The following ASAH1 variants were observed in gnomAD, a reference collection of about 807,000 sequenced individuals.
ASAH1 encodes the protein N-acylsphingosine amidohydrolase 1, also known as acid ceramidase.
In ASAH1, 70 loss-of-function variants were observed where a neutral mutation model predicts 59.5. The observed-to-expected ratio is 1.18, with a 90% CI of 0.97 to 1.43. The LOEUF is 1.43. ASAH1 is among the 40% of genes most tolerant of loss of function. The probability of loss-of-function intolerance (pLI) is 0.00; values close to 1 mark genes in which losing one functional copy is unlikely to be tolerated. For missense variants in ASAH1, 660 were observed against 482.5 expected (o/e 1.37, Z -3.45); for synonymous variants, 213 against 166.5 (o/e 1.28, Z -2.15).
Position 18,057,521 on chromosome 8 carries a change from G to T in ASAH1, c.*13C>A. ...ATGTCTCAGAGGCCGCATTCTGTAG[G>T]CCAGACGTGTGCTCACCAACCTATA... is the stretch of plus-strand genomic sequence containing the variant. On this transcript the variant is annotated 3_prime_UTR_variant, in exon 14 of 14. Coordinates refer to ENST00000637790, the MANE Select transcript of ASAH1 (RefSeq NM_177924.5). 6.3e-7 allele frequency: 1 copy of T among 1,584,284 alleles called. No individual in the cohort carries two copies. Among genetic ancestry groups the T allele is most frequent in the Non-Finnish European group, 8.6e-7 (1 of 1,158,302 alleles).
Position 18,084,017 on chromosome 8 carries a change from G to T in ASAH1, c.42C>A (p.Ala14=). 4 of 1,598,502 alleles carry T rather than the reference G, an allele frequency of 2.5e-6. No individual in the cohort carries two copies. Among genetic ancestry groups the T allele is most frequent in the Non-Finnish European group, 3.4e-6 (4 of 1,179,622 alleles). Residue 14 remains alanine (A), a synonymous_variant, in exon 1 of 14, where the codon GCC becomes GCA. Transcript: ENST00000637790. The part of the protein sequence containing the change: ...RSCVALVLLA[A]AVSCAVAQHA... ...GCTGCGCGACGGCACAGCTGACGGC[G>T]GCAGCCAGGAGGACTAAGGCGACGC...
chr8:18,060,295 A>G (rs1022014240), intron 10 of ASAH1: 2 of 154,230 alleles, frequency 1.3e-5, no homozygotes, highest in Non-Finnish European at 1.4e-5. Context: ...GCCAGCCACA[A>G]TGTGTTTTCT....
At chr8:18,082,938 C>T (rs1487903640) in intron 1 of ASAH1, among the ~76,000 whole-genome samples, 1 of 152,176 alleles carries the variant, frequency 6.6e-6, no homozygotes, top group Non-Finnish European at 1.5e-5. Context: ...TGTCCACATA[C>T]ATGTTCTGTG....
At chr8:18,069,701 C>T in intron 4 of ASAH1, 91 bp downstream of exon 4, 1 of 924,544 alleles carries the variant, frequency 1.1e-6, no homozygotes, top group Non-Finnish European at 1.7e-6. Flanking sequence ...GCCCAAGTCC[C>T]TGCGAAGAGG....
intron 7 of ASAH1, 108 bp downstream of exon 7, chr8:18,063,077 C>G: frequency 9.9e-7 from 1 of 1,005,520 alleles, no homozygotes; most frequent in Non-Finnish European, 1.6e-6. Flanking sequence ...ACCATCTTGG[C>G]CAGGCTGGTC....
chr8:18,062,502 A>C, intron 7 of ASAH1, 79 bp from the exon 8 acceptor site: 1 of 1,485,284 alleles, frequency 6.7e-7, no homozygotes, highest in South Asian at 1.1e-5. Context: ...GCCAGGCATT[A>C]CACTAGGAGC....
intron 2 of ASAH1, among the ~76,000 whole-genome samples, chr8:18,072,448 A>G (rs1430769195): frequency 6.6e-6 from 1 of 152,222 alleles, no homozygotes; most frequent in Non-Finnish European, 1.5e-5. Context: ...GGGCCCTGGT[A>G]TATGTATGAG....
intron 2 of ASAH1, among the ~76,000 whole-genome samples, chr8:18,075,120 A>C (rs369035737): frequency 0.074 from 10,580 of 142,288 alleles, 553 homozygotes; most frequent in African/African-American, 0.1. Context: ...CTCAGCCTCC[A>C]GAGTAGCTGG....
At chr8:18,078,408 T>A (rs1232957082) in intron 1 of ASAH1, among the ~76,000 whole-genome samples, 1 of 152,168 alleles carries the variant, frequency 6.6e-6, no homozygotes, top group African/African-American at 2.4e-5. Context: ...AACGTGAAAT[T>A]GGCATAGAAC....
intron 1 of ASAH1, among the ~76,000 whole-genome samples, chr8:18,082,880 T>G (rs1800714542): frequency 6.6e-6 from 1 of 151,856 alleles, no homozygotes; most frequent in Non-Finnish European, 1.5e-5. Context: ...TCAAGCAAAT[T>G]AATTCCCTAC....
At chr8:18,059,230 C>G in intron 12 of ASAH1, 111 bp downstream of exon 12, 2 of 1,535,196 alleles carry the variant, frequency 1.3e-6, no homozygotes, top group Non-Finnish European at 1.8e-6. Flanking sequence ...GCTAGAGATA[C>G]TATGAAAAAT....
chr8:18,073,342 T>C (rs1463072717), intron 2 of ASAH1: 9 of 1,407,248 alleles, frequency 6.4e-6, no homozygotes, highest in South Asian at 5.1e-5. Context: ...ACAGTAGTCA[T>C]CACAATTTAT....
At chr8:18,062,473 G>T in intron 7 of ASAH1, 50 bp from the exon 8 acceptor site, 1 of 1,601,192 alleles carries the variant, frequency 6.2e-7, no homozygotes, top group South Asian at 1.1e-5. Flanking sequence ...TGATAGTAAT[G>T]ATCAACATGA....
chr8:18,058,874 G>A lies in ASAH1; in HGVS notation c.1059C>T (p.Thr353=). The change falls in exon 13 of 14, where the codon ACC becomes ACT. Residue 353 remains threonine, a synonymous_variant. Transcript: ENST00000637790. The part of the protein sequence containing the change: ...RTSQENISFE[T]MYDVLSTKPV... Reference sequence around the variant, plus strand: ...GTTTTGTTGACAGGACATCATACATGGTTTCAAATGAGATATTCTAAAACA... The same window carrying A: ...GTTTTGTTGACAGGACATCATACATAGTTTCAAATGAGATATTCTAAAACA... The A allele has an allele frequency of 6.2e-7, 1 of 1,612,132 alleles. No homozygotes were observed. The highest frequency in any genetic ancestry group is 8.5e-7 in the Non-Finnish European group (1 of 1,178,290).
At chr8:18,059,860 C>T (rs762926922) in intron 10 of ASAH1, 157 bp from the exon 11 acceptor site, 4 of 655,146 alleles carry the variant, frequency 6.1e-6, no homozygotes, top group African/African-American at 3.7e-5. Flanking sequence ...TTTGCTGCAC[C>T]CATCAACCCA....
At chr8:18,062,566 T>C in intron 7 of ASAH1, 143 bp from the exon 8 acceptor site, 1 of 934,804 alleles carries the variant, frequency 1.1e-6, no homozygotes. Context: ...CAATATGGTA[T>C]ATTTATTCTG....
At chr8:18,061,120 G>T in intron 10 of ASAH1, 1 of 348,956 alleles carries the variant, frequency 2.9e-6, no homozygotes, top group Non-Finnish European at 5.4e-6. Flanking sequence ...TTTTTTTTCT[G>T]TACACCAAAA....
chr8:18,083,752 T>G (rs1800761790), intron 1 of ASAH1: 8 of 824,092 alleles, frequency 9.7e-6, no homozygotes, highest in African/African-American at 1.7e-5. Flanking sequence ...CTGCAGAGAC[T>G]AGGATTTCCT....
chr8:18,062,937 C>G (rs889716458), intron 7 of ASAH1: 1 of 414,388 alleles, frequency 2.4e-6, no homozygotes, highest in African/African-American at 2.2e-5. Flanking sequence ...GTGGCGCGAT[C>G]TCGGCTCACT....
Sources: gnomAD v4.1 joint callset for allele counts (sites outside exome capture counted in the v4.1 genomes callset) on GRCh38, gnomAD v4.1.1 for gene constraint, MANE v1.5 for transcripts, NCBI Gene and HGNC (gene_info 2026-07-23, HGNC 2026-07-21) for gene names.